Variants in ACTR3C observed in about 807,000 individuals in gnomAD.
The protein encoded by ACTR3C is actin related protein 3C.
In ACTR3C, 18 loss-of-function variants were observed where a neutral mutation model predicts 26.3. The observed-to-expected ratio is 0.68, with a 90% CI of 0.47 to 1.01. ACTR3C has a LOEUF of 1.01. Ranked by LOEUF, ACTR3C falls within the 50% of genes least tolerant of loss-of-function variation. The pLI is 0.00. For missense variants in ACTR3C, 184 were observed against 250.7 expected, an observed-to-expected ratio of 0.73 and a Z score of 1.80; for synonymous variants, 55 against 94.5, an observed-to-expected ratio of 0.58 and a Z score of 2.42.
the ACTR3C span, among the ~76,000 whole-genome samples, chr7:150,009,322 C>T: frequency 1.3e-5 from 2 of 152,156 alleles, no homozygotes; most frequent in Non-Finnish European, 2.9e-5. Flanking sequence ...CCCAGCACAC[C>T]CAGGAAGACA....
chr7:150,275,505 G>A (rs569854251), intron 6 of ACTR3C, among the ~76,000 whole-genome samples: 1 of 152,346 alleles, frequency 6.6e-6, no homozygotes, highest in Non-Finnish European at 1.5e-5. Flanking sequence ...GAGGTCAGGA[G>A]TTCGAGACCA....
chr7:149,895,459 T>G, the ACTR3C span, among the ~76,000 whole-genome samples: 1 of 152,162 alleles, frequency 6.6e-6, no homozygotes, highest in African/African-American at 2.4e-5. Context: ...GATTTAACCA[T>G]TCACAATGTA....
the ACTR3C span, among the ~76,000 whole-genome samples, chr7:150,015,655 C>T: frequency 2.1e-3 from 315 of 149,804 alleles, no homozygotes; most frequent in African/African-American, 7.3e-3. Flanking sequence ...GCTATTACCA[C>T]GCTCTTGACG....
At chr7:150,015,996 T>C in the ACTR3C span, among the ~76,000 whole-genome samples, 161 of 148,566 alleles carry the variant, frequency 1.1e-3, no homozygotes, top group African/African-American at 3.8e-3. Context: ...GTCTAAGGTG[T>C]TGCAAAGGCT....
At chr7:149,928,890 G>C in the ACTR3C span, among the ~76,000 whole-genome samples, 1 of 151,972 alleles carries the variant, frequency 6.6e-6, no homozygotes, top group African/African-American at 2.4e-5. Context: ...CAGCCTGAAT[G>C]AGCTTCACTT....
chr7:150,035,812 C>T, the ACTR3C span, among the ~76,000 whole-genome samples: 1 of 132,128 alleles, frequency 7.6e-6, no homozygotes, highest in Non-Finnish European at 1.7e-5. Context: ...CAGGGACTGG[C>T]TCTCAGTCCC....
At chr7:150,151,422 T>C in the ACTR3C span, among the ~76,000 whole-genome samples, 2 of 137,796 alleles carry the variant, frequency 1.5e-5, no homozygotes, top group Non-Finnish European at 3.2e-5. Context: ...ATGTGCAGAA[T>C]AACAAGTAAC....
the ACTR3C span, among the ~76,000 whole-genome samples, chr7:149,897,080 AAAC>A: frequency 1.3e-5 from 2 of 151,678 alleles, no homozygotes; most frequent in Non-Finnish European, 2.9e-5. Flanking sequence ...AAAAAAAAAA[AAAC>A]AAGAGCTACT....
chr7:150,261,539 A>G (rs191249994), intron 6 of ACTR3C, among the ~76,000 whole-genome samples: 14 of 152,378 alleles, frequency 9.2e-5, no homozygotes, highest in African/African-American at 3.4e-4. Context: ...CGTCTCTACT[A>G]AAAACACAAA....
At chr7:150,090,926 C>T in the ACTR3C span, among the ~76,000 whole-genome samples, 1,425 of 152,282 alleles carry the variant, frequency 9.4e-3, 6 homozygotes, top group African/African-American at 0.014. Flanking sequence ...TGGAGTGAGG[C>T]AGAATCTAGC....
chr7:149,925,512 G>C, the ACTR3C span, among the ~76,000 whole-genome samples: 1 of 152,108 alleles, frequency 6.6e-6, no homozygotes, highest in Non-Finnish European at 1.5e-5. Context: ...ATTATGAACA[G>C]ACCAATAGAC....
chr7:150,282,412 G>A (rs1427019535), intron 6 of ACTR3C, among the ~76,000 whole-genome samples: 4 of 151,756 alleles, frequency 2.6e-5, no homozygotes, highest in Non-Finnish European at 5.9e-5. Context: ...TGGCAAAGGA[G>A]GTGACCTCCT....
intron 4 of ACTR3C, among the ~76,000 whole-genome samples, chr7:150,288,658 A>T (rs10274049): frequency 0.13 from 18,630 of 138,724 alleles, 1,617 homozygotes; most frequent in African/African-American, 0.25. Context: ...GTAACCCCTT[A>T]GGAAATATTT....
intron 6 of ACTR3C, among the ~76,000 whole-genome samples, chr7:150,267,122 G>A (rs1462941055): frequency 6.6e-6 from 1 of 152,196 alleles, no homozygotes; most frequent in Non-Finnish European, 1.5e-5. Flanking sequence ...TTGTGGCACA[G>A]TCGCTCGCTG....
rs564453851 is a variant in ACTR3C at position 150,278,891 on chromosome 7, CCAG to C, written c.564+5859_564+5861del. ...TATCTGTTCACATATTATACTTCAA[CCAG>C]GACTTCATCTGAATAAAATACCTAT... is the stretch of plus-strand genomic sequence containing the variant. On this transcript the variant is annotated intron_variant, in intron 6 of 7. Coordinates refer to ENST00000683684, the MANE Select transcript of ACTR3C (RefSeq NM_001164458.2). Among the ~76,000 whole-genome samples the C allele has an allele frequency of 8.4e-3, 1,272 of 152,290 alleles. 18 individuals are homozygous for C. The highest frequency in any genetic ancestry group is 0.029 in the African/African-American group (1,214 of 41,556).
the ACTR3C span, among the ~76,000 whole-genome samples, chr7:150,112,939 T>C: frequency 6.6e-6 from 1 of 152,154 alleles, no homozygotes; most frequent in African/African-American, 2.4e-5. Context: ...ATCACTCTCA[T>C]AAATTATATC....
the ACTR3C span, among the ~76,000 whole-genome samples, chr7:150,167,664 A>G: frequency 6.6e-6 from 1 of 150,684 alleles, no homozygotes; most frequent in Non-Finnish European, 1.5e-5. Context: ...ACAACTTAGA[A>G]TCTGATGATC....
At chr7:150,092,868 C>T in the ACTR3C span, among the ~76,000 whole-genome samples, 1 of 151,406 alleles carries the variant, frequency 6.6e-6, no homozygotes, top group Non-Finnish European at 1.5e-5. Context: ...AGGAGAACTA[C>T]CTCACTATCT....
At chr7:150,309,542 A>G (rs1563205121) in intron 1 of ACTR3C, among the ~76,000 whole-genome samples, 2 of 152,216 alleles carry the variant, frequency 1.3e-5, no homozygotes, top group Non-Finnish European at 2.9e-5. Flanking sequence ...AACCCCAGCC[A>G]TGCCTTCAGC....
Sources: allele counts gnomAD v4.1 joint callset (sites outside exome capture counted in the v4.1 genomes callset), GRCh38; gene constraint gnomAD v4.1.1; transcripts MANE v1.5; gene names NCBI Gene and HGNC (gene_info 2026-07-23, HGNC 2026-07-21).